Variants in DPP6 observed in about 807,000 individuals in gnomAD.
DPP6 encodes the protein A-type potassium channel modulatory protein DPP6.
Under a neutral mutation model 122.6 loss-of-function variants are expected in DPP6, and 69 were observed. The ratio of observed to expected loss-of-function variants is 0.56; its 90% CI spans 0.46 to 0.69. The LOEUF is 0.69. Among genes scored for constraint, DPP6 ranks in the 30% least tolerant of loss-of-function variants. DPP6 has a pLI of 0.00. For missense variants in DPP6, 928 were observed against 1,116.9 expected, an observed-to-expected ratio of 0.83 and a Z score of 2.41; for synonymous variants, 418 against 433.1, an observed-to-expected ratio of 0.97 and a Z score of 0.43.
intron 1 of DPP6, among the ~76,000 whole-genome samples, chr7:154,384,104 G>T (rs1029949283): frequency 3.3e-5 from 5 of 152,002 alleles, no homozygotes; most frequent in African/African-American, 1.2e-4. Flanking sequence ...TCCCTGGCAG[G>T]TGCACCATCA....
intron 3 of DPP6, among the ~76,000 whole-genome samples, chr7:154,527,318 C>T (rs1229378233): frequency 6.6e-6 from 1 of 152,140 alleles, no homozygotes. Context: ...GACCTTTGGG[C>T]TCAGATATTG....
chr7:154,493,652 A>G lies in DPP6; in HGVS notation c.457+18615A>G, dbSNP rs368471814. On this transcript the variant is annotated intron_variant, in intron 3 of 25. Coordinates refer to ENST00000377770, the MANE Select transcript of DPP6 (RefSeq NM_130797.4). ...GACATGAATCTTATTCATTCTAAGA[A>G]ATTAAAATGCCTGTAATCATTCATT... is the stretch of plus-strand genomic sequence containing the variant. Among the ~76,000 whole-genome samples, 18 of 152,338 alleles carry G rather than the reference A, an allele frequency of 1.2e-4. No homozygotes were observed. The East Asian group carries it at 1.9e-3, about 16-fold the overall frequency.
chr7:154,764,391 G>A (rs1195289117), intron 8 of DPP6, among the ~76,000 whole-genome samples: 3 of 152,154 alleles, frequency 2.0e-5, no homozygotes, highest in Non-Finnish European at 4.4e-5. Context: ...GGAAAGAGAG[G>A]CGGTGGTCAT....
intron 1 of DPP6, among the ~76,000 whole-genome samples, chr7:154,334,639 G>A (rs1442670899): frequency 6.6e-6 from 1 of 152,208 alleles, no homozygotes; most frequent in Non-Finnish European, 1.5e-5. Flanking sequence ...GCTCACGCCT[G>A]TAATCCCAGC....
intron 1 of DPP6, among the ~76,000 whole-genome samples, chr7:154,294,235 G>T (rs1422877886): frequency 2.6e-5 from 4 of 152,144 alleles, no homozygotes; most frequent in Non-Finnish European, 4.4e-5. Flanking sequence ...ATAAGCCTGG[G>T]GTAGGAGGTG....
chr7:154,559,251 C>T (rs1482301023), intron 4 of DPP6, among the ~76,000 whole-genome samples: 1 of 135,300 alleles, frequency 7.4e-6, no homozygotes, highest in African/African-American at 2.8e-5. Context: ...TCTAGATGAT[C>T]ACCAGGTTAG....
At chr7:154,601,427 A>G (rs1210216330) in intron 5 of DPP6, among the ~76,000 whole-genome samples, 1 of 121,058 alleles carries the variant, frequency 8.3e-6, no homozygotes, top group Non-Finnish European at 1.9e-5. Context: ...TTGTCTTATC[A>G]TTGAATTGAC....
the DPP6 span, among the ~76,000 whole-genome samples, chr7:153,881,096 G>A: frequency 6.6e-6 from 1 of 152,210 alleles, no homozygotes; most frequent in Non-Finnish European, 1.5e-5. Context: ...AGAGGCAGCA[G>A]CATAAATATC....
At chr7:154,078,727 CTG>C (rs1803751721) in intron 1 of DPP6, among the ~76,000 whole-genome samples, 1 of 152,084 alleles carries the variant, frequency 6.6e-6, no homozygotes, top group Non-Finnish European at 1.5e-5. Flanking sequence ...GCCATAGCAA[CTG>C]TGTTTTCGCT....
intron 1 of DPP6, among the ~76,000 whole-genome samples, chr7:154,220,792 C>T (rs1800260433): frequency 6.6e-6 from 1 of 152,172 alleles, no homozygotes; most frequent in South Asian, 2.1e-4. Flanking sequence ...ATAAGCTGGG[C>T]TGCCAAGTCC....
chr7:154,652,293 T>C (rs1448061764), intron 6 of DPP6, among the ~76,000 whole-genome samples: 2 of 152,166 alleles, frequency 1.3e-5, no homozygotes, highest in African/African-American at 4.8e-5. Flanking sequence ...GTACATTCTT[T>C]TGTGCTTTCT....
chr7:154,674,959 G>A (rs1478082040), intron 7 of DPP6, among the ~76,000 whole-genome samples: 1 of 152,140 alleles, frequency 6.6e-6, no homozygotes, highest in Non-Finnish European at 1.5e-5. Flanking sequence ...GTGTCAGTCA[G>A]GAGAAAAACA....
At chr7:154,572,027 C>A (rs148251121) in intron 5 of DPP6, among the ~76,000 whole-genome samples, 1 of 152,162 alleles carries the variant, frequency 6.6e-6, no homozygotes. Context: ...CTTCCAAGCT[C>A]AGGGCATGGG....
intron 1 of DPP6, among the ~76,000 whole-genome samples, chr7:154,246,776 G>A (rs774529387): frequency 6.6e-6 from 1 of 152,116 alleles, no homozygotes; most frequent in Non-Finnish European, 1.5e-5. Context: ...AGGCCTAGAT[G>A]AAATTATGGG....
chr7:154,065,710 C>G (rs1802663650), intron 1 of DPP6, among the ~76,000 whole-genome samples: 1 of 152,170 alleles, frequency 6.6e-6, no homozygotes, highest in Non-Finnish European at 1.5e-5. Context: ...CACCCAGCCC[C>G]TAGAGCTCCT....
At chr7:153,924,282 G>C (rs1400582814) in intron 1 of DPP6, among the ~76,000 whole-genome samples, 1 of 152,010 alleles carries the variant, frequency 6.6e-6, no homozygotes, top group Admixed American at 6.6e-5. Flanking sequence ...CTAATTTTTT[G>C]TATTTTAGTA....
chr7:154,664,210 A>C (rs1229893329), intron 6 of DPP6, among the ~76,000 whole-genome samples: 2 of 152,106 alleles, frequency 1.3e-5, no homozygotes, highest in African/African-American at 2.4e-5. Context: ...GTCATTGTGA[A>C]TCACCATGGC....
intron 1 of DPP6, among the ~76,000 whole-genome samples, chr7:153,997,722 G>A (rs2215357): frequency 0.016 from 2,025 of 127,114 alleles, 79 homozygotes; most frequent in African/African-American, 0.044. Context: ...CATTTATCAA[G>A]CATCCAGCGA....
the DPP6 span, among the ~76,000 whole-genome samples, chr7:153,827,084 G>A: frequency 6.6e-6 from 1 of 151,756 alleles, no homozygotes. Context: ...AAATTAGAAG[G>A]CATAAATAAA....
Sources: gnomAD v4.1 joint callset for allele counts (sites outside exome capture counted in the v4.1 genomes callset) on GRCh38, gnomAD v4.1.1 for gene constraint, MANE v1.5 for transcripts, NCBI Gene and HGNC (gene_info 2026-07-23, HGNC 2026-07-21) for gene names.